The following DPF3 variants were observed in gnomAD, a reference collection of about 807,000 sequenced individuals.
DPF3 encodes the protein double PHD fingers 3, also known as zinc finger protein DPF3.
In DPF3, 18 loss-of-function variants were observed where a neutral mutation model predicts 56.8. That is an observed-to-expected ratio of 0.32 (90% confidence interval 0.22 to 0.47). DPF3 has a LOEUF of 0.47. DPF3 is among the 20% of genes least tolerant of loss of function. The pLI, the probability that DPF3 is intolerant of heterozygous loss-of-function variation, is 1.00. For synonymous variants in DPF3, 188 were observed against 180.2 expected, an observed-to-expected ratio of 1.04 and a Z score of -0.35; for missense variants, 403 against 488.8, an observed-to-expected ratio of 0.82 and a Z score of 1.65.
At chr14:72,709,126 A>G (rs1389630722) in intron 6 of DPF3, among the ~76,000 whole-genome samples, 2 of 152,194 alleles carry the variant, frequency 1.3e-5, no homozygotes, top group Non-Finnish European at 2.9e-5. Flanking sequence ...TACTACCCCC[A>G]CTGGGTGTGG....
intron 9 of DPF3, among the ~76,000 whole-genome samples, chr14:72,625,877 G>A (rs1202588586): frequency 1.3e-5 from 2 of 151,994 alleles, no homozygotes; most frequent in Non-Finnish European, 2.9e-5. Flanking sequence ...ACTCTCATTA[G>A]TCACAATACA....
At chr14:72,718,647 T>C (rs576728403) in intron 5 of DPF3, among the ~76,000 whole-genome samples, 1 of 152,262 alleles carries the variant, frequency 6.6e-6, no homozygotes, top group East Asian at 1.9e-4. Flanking sequence ...ATTTCTAAAA[T>C]GGCAAATATC....
intron 1 of DPF3, among the ~76,000 whole-genome samples, chr14:72,835,161 G>A (rs550006549): frequency 9.6e-4 from 146 of 152,198 alleles, no homozygotes; most frequent in African/African-American, 3.3e-3. Flanking sequence ...ACCGCCTCCC[G>A]GGTTCAAGCA....
intron 1 of DPF3, among the ~76,000 whole-genome samples, chr14:72,862,372 C>T (rs897511264): frequency 2.0e-5 from 3 of 152,154 alleles, no homozygotes; most frequent in African/African-American, 7.2e-5. Flanking sequence ...TTGCTCAGGC[C>T]AAATGGATGC....
At chr14:72,878,744 C>T (rs1886211505) in intron 1 of DPF3, among the ~76,000 whole-genome samples, 1 of 152,226 alleles carries the variant, frequency 6.6e-6, no homozygotes, top group Non-Finnish European at 1.5e-5. Flanking sequence ...AAAGGTTTGT[C>T]TTTATTTCTC....
At chr14:72,660,946 G>T in intron 8 of DPF3, 1 of 536,038 alleles carries the variant, frequency 1.9e-6, no homozygotes, top group Non-Finnish European at 2.4e-6. Context: ...GCATGGAAGT[G>T]GGAAGAATCA....
chr14:72,870,383 T>C (rs147633607), intron 1 of DPF3, among the ~76,000 whole-genome samples: 7 of 152,290 alleles, frequency 4.6e-5, no homozygotes, highest in African/African-American at 1.7e-4. Context: ...TTAGAGGAGG[T>C]AGCCATGAAT....
intron 9 of DPF3, among the ~76,000 whole-genome samples, chr14:72,621,582 G>GGAGT (rs1884449311): frequency 6.6e-6 from 1 of 152,158 alleles, no homozygotes; most frequent in South Asian, 2.1e-4. Flanking sequence ...TATCAACAGG[G>GGAGT]GAGTGATACG....
At chr14:72,758,325 G>A (rs1422000421) in intron 2 of DPF3, among the ~76,000 whole-genome samples, 1 of 152,168 alleles carries the variant, frequency 6.6e-6, no homozygotes, top group South Asian at 2.1e-4. Flanking sequence ...GATAAGCCCT[G>A]TGATTGCCCC....
intron 1 of DPF3, among the ~76,000 whole-genome samples, chr14:72,782,884 C>T (rs1274286359): frequency 2.0e-5 from 3 of 151,992 alleles, no homozygotes; most frequent in Non-Finnish European, 2.9e-5. Context: ...CCTACTAACA[C>T]CTCCAATGTC....
chr14:72,859,981 A>G (rs903376572), intron 1 of DPF3, among the ~76,000 whole-genome samples: 2 of 151,914 alleles, frequency 1.3e-5, no homozygotes, highest in Non-Finnish European at 2.9e-5. Flanking sequence ...AAAAAAAAAA[A>G]ACAGAAATGG....
At chr14:72,652,740 T>C (rs529914246) in intron 8 of DPF3, among the ~76,000 whole-genome samples, 14 of 152,264 alleles carry the variant, frequency 9.2e-5, no homozygotes, top group Middle Eastern at 3.4e-3. Context: ...CATTGCCCCA[T>C]TGCACTGAAT....
At chr14:72,696,199 G>A (rs1887893309) in intron 6 of DPF3, among the ~76,000 whole-genome samples, 2 of 152,230 alleles carry the variant, frequency 1.3e-5, no homozygotes, top group South Asian at 2.1e-4. Flanking sequence ...AGCCACCTCT[G>A]CAGATCCCCA....
chr14:72,845,293 G>A (rs1248025313), intron 1 of DPF3, among the ~76,000 whole-genome samples: 1 of 152,192 alleles, frequency 6.6e-6, no homozygotes, highest in East Asian at 1.9e-4. Flanking sequence ...AGAAAACGTG[G>A]ATGAAAACCC....
At chr14:72,777,709 T>TAA (rs1223117900) in intron 1 of DPF3, among the ~76,000 whole-genome samples, 3 of 152,118 alleles carry the variant, frequency 2.0e-5, no homozygotes, top group Non-Finnish European at 4.4e-5. Context: ...TCTGGTCATT[T>TAA]AAAAGTGTAT....
chr14:72,779,748 A>G (rs1891892369), intron 1 of DPF3, among the ~76,000 whole-genome samples: 1 of 152,260 alleles, frequency 6.6e-6, no homozygotes, highest in African/African-American at 2.4e-5. Flanking sequence ...CTCCTTCCCC[A>G]AAGTGCAGTA....
chr14:72,642,773 C>T (rs189816144), intron 8 of DPF3, among the ~76,000 whole-genome samples: 1 of 152,288 alleles, frequency 6.6e-6, no homozygotes, highest in East Asian at 1.9e-4. Context: ...ACAAGCCTCC[C>T]CTTTAGGTTC....
In DPF3 at chr14:72,614,911, C is replaced by A. The variant is rs1348999231; in HGVS notation, c.*4386G>T. 6.6e-6 allele frequency among the ~76,000 whole-genome samples: 1 copy of A among 150,568 alleles called. No individual in the cohort carries two copies. The highest frequency in any genetic ancestry group is 2.4e-5 in the African/African-American group (1 of 41,154). On this transcript the variant is annotated 3_prime_UTR_variant, in exon 11 of 11. Transcript: ENST00000556509. ...AGAGATCCTCACCCCTCCCAAATGC[C>A]CTCCCACCCTCCCTTCCCCAGGCAC...
At chr14:72,706,108 A>T (rs1375810021) in intron 6 of DPF3, among the ~76,000 whole-genome samples, 2 of 152,224 alleles carry the variant, frequency 1.3e-5, no homozygotes, top group Non-Finnish European at 2.9e-5. Flanking sequence ...TGTGGGAGTT[A>T]AAGAGTTAAT....
Sources: gnomAD v4.1 joint callset for allele counts (sites outside exome capture counted in the v4.1 genomes callset) on GRCh38, gnomAD v4.1.1 for gene constraint, MANE v1.5 for transcripts, NCBI Gene and HGNC (gene_info 2026-07-23, HGNC 2026-07-21) for gene names.